The following NDST4 variants were observed in gnomAD, a reference collection of about 807,000 sequenced individuals.
The protein encoded by NDST4 is N-heparan sulfate sulfotransferase 4.
In NDST4, 63 loss-of-function variants were observed where a neutral mutation model predicts 100.8. That is an observed-to-expected ratio of 0.62 (90% CI 0.51 to 0.77). The LOEUF (loss-of-function observed/expected upper bound fraction) is 0.77. NDST4 is among the 30% of genes least tolerant of loss of function. NDST4 has a pLI of 0.00. For synonymous variants in NDST4, 377 were observed against 361.8 expected (o/e 1.04, Z -0.48); for missense variants, 943 against 1,018.4 (o/e 0.93, Z 1.01).
chr4:115,077,077 T>A lies in NDST4; in HGVS notation c.-41A>T. ...TTTGGAAGCTTTTTCCCAATTTCGT[T>A]TCCTAAAGTGCCATAGTGAATAAAG... is the stretch of plus-strand genomic sequence containing the variant. On this transcript the variant is annotated 5_prime_UTR_variant, in exon 2 of 14. Coordinates refer to ENST00000264363, the MANE Select transcript of NDST4 (RefSeq NM_022569.3). 1 of 1,533,528 alleles carries A rather than the reference T, an allele frequency of 6.5e-7. No homozygotes were observed. The highest frequency in any genetic ancestry group is 1.3e-5 in the South Asian group (1 of 77,430). 95.0% of individuals were successfully genotyped at this position (1,533,528 alleles called of 1,614,324 possible).
chr4:114,832,555 A>C (rs1418022869), intron 12 of NDST4, among the ~76,000 whole-genome samples: 1 of 152,032 alleles, frequency 6.6e-6, no homozygotes, highest in African/African-American at 2.4e-5. Context: ...TTAATTATAA[A>C]AATATATGGT....
intron 2 of NDST4, among the ~76,000 whole-genome samples, chr4:115,022,218 T>C (rs1383620100): frequency 1.3e-5 from 2 of 149,966 alleles, no homozygotes; most frequent in East Asian, 2.0e-4. Context: ...TCTATGCACG[T>C]TCCATATATA....
At chr4:115,089,304 C>T (rs959147138) in intron 1 of NDST4, among the ~76,000 whole-genome samples, 3 of 151,728 alleles carry the variant, frequency 2.0e-5, no homozygotes, top group Non-Finnish European at 2.9e-5. Flanking sequence ...AAATATTGAT[C>T]GTCTCTGTTT....
intron 4 of NDST4, among the ~76,000 whole-genome samples, chr4:114,950,298 A>G (rs373037938): frequency 6.6e-6 from 1 of 152,072 alleles, no homozygotes; most frequent in East Asian, 1.9e-4. Flanking sequence ...TAAGGCAGGA[A>G]TATTGGAAAT....
chr4:114,881,968 C>T (rs761528044), intron 6 of NDST4, among the ~76,000 whole-genome samples: 3 of 151,646 alleles, frequency 2.0e-5, no homozygotes, highest in South Asian at 2.1e-4. Flanking sequence ...TTTTTAAATA[C>T]TACAGAACTC....
intron 2 of NDST4, among the ~76,000 whole-genome samples, chr4:115,066,078 T>C (rs1490850039): frequency 6.6e-6 from 1 of 152,186 alleles, no homozygotes; most frequent in Non-Finnish European, 1.5e-5. Context: ...TGTACAATCA[T>C]GTTGGCATGA....
chr4:115,103,683 A>ATTTCCTTC lies in NDST4; in HGVS notation c.-247+9753_-247+9760dup, dbSNP rs138575195. Among the ~76,000 whole-genome samples the ATTTCCTTC allele has an allele frequency of 3.3e-3, 507 of 152,268 alleles. 4 individuals are homozygous for ATTTCCTTC. The highest frequency in any genetic ancestry group is 0.012 in the African/African-American group (487 of 41,556). ...AGGTAAACCTGCTATTTTTAATTTA[A>ATTTCCTTC]TTTCCTTCTATTTTATGTTATTTTG... On this transcript the variant is annotated intron_variant, in intron 1 of 13. Transcript: ENST00000264363.
At chr4:115,040,551 C>T (rs573394092) in intron 2 of NDST4, among the ~76,000 whole-genome samples, 1 of 151,554 alleles carries the variant, frequency 6.6e-6, no homozygotes, top group Non-Finnish European at 1.5e-5. Context: ...AAATGAAACA[C>T]TGTGTCTTCC....
chr4:115,112,168 T>G (rs1051951514), intron 1 of NDST4, among the ~76,000 whole-genome samples: 2 of 149,912 alleles, frequency 1.3e-5, no homozygotes, highest in South Asian at 4.2e-4. Context: ...GGCATACTTT[T>G]AATAGAGTAG....
intron 7 of NDST4, among the ~76,000 whole-genome samples, chr4:114,858,804 CA>C (rs1723855943): frequency 6.6e-6 from 1 of 152,058 alleles, no homozygotes; most frequent in South Asian, 2.1e-4. Flanking sequence ...GCTCCCATAG[CA>C]GGGAAGATTC....
At position 115,074,181 on chromosome 4, in the gene NDST4, T is replaced by C. The variant is rs2620402; in HGVS notation, c.978+1878A>G. On this transcript the variant is annotated intron_variant, in intron 2 of 13. Coordinates refer to ENST00000264363, the MANE Select transcript of NDST4 (RefSeq NM_022569.3). The stretch of plus-strand genomic sequence containing the variant: ...TGCTCAAGCCTTTGTTAAATTATTG[T>C]ATTCTATTTGGAGTTATGTCACTTA... Among the ~76,000 whole-genome samples, 366 of 152,132 alleles carry C rather than the reference T, an allele frequency of 2.4e-3. 2 individuals carry two copies. The highest frequency in any genetic ancestry group is 8.5e-3 in the African/African-American group (353 of 41,560).
chr4:114,858,329 A>C (rs1723843541), intron 7 of NDST4, among the ~76,000 whole-genome samples: 2 of 152,140 alleles, frequency 1.3e-5, no homozygotes, highest in Admixed American at 6.5e-5. Context: ...GGCTATCACC[A>C]CTATGAAAGG....
chr4:114,991,972 T>C (rs990986463), intron 2 of NDST4, among the ~76,000 whole-genome samples: 31 of 151,988 alleles, frequency 2.0e-4, no homozygotes, highest in African/African-American at 7.5e-4. Flanking sequence ...TTGTTTCTGG[T>C]TTAAAGTATA....
chr4:115,038,556 C>T (rs1273471977), intron 2 of NDST4, among the ~76,000 whole-genome samples: 8 of 152,164 alleles, frequency 5.3e-5, no homozygotes, highest in Non-Finnish European at 8.8e-5. Flanking sequence ...CTGAGGTACC[C>T]TATCTCTAAT....
Position 115,003,931 on chromosome 4 carries a change from T to A in NDST4, c.979-26657A>T, listed in dbSNP as rs150197412. 2.6e-3 allele frequency among the ~76,000 whole-genome samples: 402 copies of A among 152,166 alleles called. 5 individuals carry two copies. The highest frequency in any genetic ancestry group is 9.3e-3 in the African/African-American group (385 of 41,544). ...AATAAAGAAAATGAGGTGCGCAGTG[T>A]TTAAATAGATGTTTCCCCTTCTTAC... On this transcript the variant is annotated intron_variant, in intron 2 of 13. Transcript: ENST00000264363.
In NDST4 at chr4:114,925,778, T is replaced by A. The variant is rs528582754; in HGVS notation, c.1536+9428A>T. Among the ~76,000 whole-genome samples the A allele has an allele frequency of 2.6e-4, 39 of 152,272 alleles. 1 individual carries two copies. The South Asian group carries it at 8.1e-3, about 32-fold the overall frequency. On this transcript the variant is annotated intron_variant, in intron 6 of 13. Coordinates refer to ENST00000264363, the MANE Select transcript of NDST4 (RefSeq NM_022569.3). ...ACTTTTCTGGCTCCTGAACTGCTAT[T>A]TTAGAGCATTCTACAATCAGAGCCT... is the stretch of plus-strand genomic sequence containing the variant.
intron 7 of NDST4, among the ~76,000 whole-genome samples, chr4:114,853,924 G>A (rs1243313780): frequency 6.6e-6 from 1 of 151,990 alleles, no homozygotes; most frequent in Non-Finnish European, 1.5e-5. Context: ...CAGGGTAAAT[G>A]GGGTATCCAT....
At chr4:114,898,111 G>C (rs1724756081) in intron 6 of NDST4, among the ~76,000 whole-genome samples, 1 of 152,096 alleles carries the variant, frequency 6.6e-6, no homozygotes, top group Non-Finnish European at 1.5e-5. Flanking sequence ...TGGTGGTGTA[G>C]CTAAAAAGTT....
intron 3 of NDST4, among the ~76,000 whole-genome samples, chr4:114,976,335 A>G (rs1726632827): frequency 6.6e-6 from 1 of 152,062 alleles, no homozygotes; most frequent in Admixed American, 6.6e-5. Context: ...TGGATGCACA[A>G]ATAGAAGCAG....
Sources: allele counts gnomAD v4.1 joint callset (sites outside exome capture counted in the v4.1 genomes callset), GRCh38; gene constraint gnomAD v4.1.1; transcripts MANE v1.5; gene names NCBI Gene and HGNC (gene_info 2026-07-23, HGNC 2026-07-21).